RCOR1: variants seen among roughly 807,000 people sequenced by gnomAD.
RCOR1 encodes the protein REST corepressor.
RCOR1 carries 12 observed loss-of-function variants against 64.0 expected under a neutral mutation model. The observed-to-expected ratio is 0.19, with a 90% CI of 0.12 to 0.30. The LOEUF (loss-of-function observed/expected upper bound fraction) is 0.30. Ranked by LOEUF, RCOR1 falls within the 10% of genes least tolerant of loss-of-function variation. The pLI, the probability that RCOR1 is intolerant of heterozygous loss-of-function variation, is 1.00. For missense variants in RCOR1, 502 were observed against 621.2 expected, an observed-to-expected ratio of 0.81 and a Z score of 2.04; for synonymous variants, 279 against 227.2, an observed-to-expected ratio of 1.23 and a Z score of -2.05.
At chr14:102,678,212 G>A (rs1238448419) in intron 2 of RCOR1, among the ~76,000 whole-genome samples, 1 of 144,282 alleles carries the variant, frequency 6.9e-6, no homozygotes, top group African/African-American at 2.6e-5. Context: ...CGTGGAGAGA[G>A]AGGGAGACGA....
rs1894188094 is a variant in RCOR1, at chr14:102,634,360, G to A, written c.361+41035G>A. On this transcript the variant is annotated intron_variant, in intron 2 of 11. Coordinates refer to ENST00000262241, the MANE Select transcript of RCOR1 (RefSeq NM_015156.4). ...ACTGCACTCCATCCTGGGTGACAGA[G>A]CAAAACCCTGTCTCAAAAACCAACC... 2.0e-5 allele frequency among the ~76,000 whole-genome samples: 3 copies of A among 151,692 alleles called. No homozygotes were observed. In the South Asian group the frequency reaches 6.2e-4, roughly 31 times the overall value.
In RCOR1 at chr14:102,593,325, G is replaced by T; in HGVS notation, c.361G>T (p.Ala121Ser). Residue 121 changes from alanine to serine, a missense_variant and splice_region_variant, in exon 2 of 12, where the codon GCC (alanine) becomes TCC (serine). Transcript: ENST00000262241. ...GGCGGTGGTGCCCGACTTCGACCCC[G>T]GTGAGTAGCGGCCCCGGCCGGCCGG... ...YQAVVPDFDP[A>S]KLARRSQERD... The T allele has an allele frequency of 3.2e-6, 5 of 1,542,132 alleles. No homozygotes were observed. Among genetic ancestry groups the T allele is most frequent in the Non-Finnish European group, 4.3e-6 (5 of 1,151,844 alleles).
intron 4 of RCOR1, among the ~76,000 whole-genome samples, chr14:102,706,142 A>AAAAAAAAC (rs1281591870): frequency 1.4e-5 from 2 of 138,534 alleles, no homozygotes; most frequent in Admixed American, 7.2e-5. Context: ...AAAAAAAAAA[A>AAAAAAAAC]CCTAAAAAAA....
chr14:102,689,605 GTGTT>G (rs747226429), intron 3 of RCOR1, among the ~76,000 whole-genome samples: 27 of 152,132 alleles, frequency 1.8e-4, no homozygotes, highest in Admixed American at 3.9e-4. Context: ...TATATAGTAA[GTGTT>G]TGTGCAGTTA....
intron 4 of RCOR1, among the ~76,000 whole-genome samples, chr14:102,702,583 A>G (rs1895774566): frequency 6.6e-6 from 1 of 152,144 alleles, no homozygotes. Flanking sequence ...AAAGTGTGAT[A>G]CTTGAAGAGC....
chr14:102,615,976 A>G (rs978858371), intron 2 of RCOR1, among the ~76,000 whole-genome samples: 6 of 152,160 alleles, frequency 3.9e-5, no homozygotes, highest in South Asian at 2.1e-4. Context: ...GACACTGTCT[A>G]CACTACCCGC....
chr14:102,632,129 G>A (rs531387794), intron 2 of RCOR1, among the ~76,000 whole-genome samples: 16 of 151,840 alleles, frequency 1.1e-4, no homozygotes, highest in African/African-American at 3.9e-4. Flanking sequence ...TTTTCTTGGT[G>A]GGCACTGAAT....
intron 2 of RCOR1, chr14:102,659,007 A>G (rs1161253921): frequency 2.2e-5 from 12 of 547,728 alleles, no homozygotes; most frequent in East Asian, 1.5e-4. Flanking sequence ...TCCAACCTAC[A>G]CTCAAGTCGG....
intron 2 of RCOR1, among the ~76,000 whole-genome samples, chr14:102,643,774 A>T (rs1894421547): frequency 6.6e-6 from 1 of 152,164 alleles, no homozygotes; most frequent in Non-Finnish European, 1.5e-5. Context: ...ACGGGTGGAA[A>T]CTATCTGGAC....
chr14:102,629,035 A>G (rs1407999204), intron 2 of RCOR1, among the ~76,000 whole-genome samples: 9 of 152,080 alleles, frequency 5.9e-5, no homozygotes, highest in Non-Finnish European at 1.3e-4. Context: ...CTGGGACTAC[A>G]GGCGTGCGCC....
At chr14:102,598,695 G>A (rs980147011) in intron 2 of RCOR1, among the ~76,000 whole-genome samples, 4 of 151,870 alleles carry the variant, frequency 2.6e-5, no homozygotes, top group East Asian at 1.9e-4. Context: ...TGATCCGCCC[G>A]CCTCGGCCTC....
At chr14:102,686,745 C>T (rs976304465) in intron 3 of RCOR1, among the ~76,000 whole-genome samples, 3 of 152,196 alleles carry the variant, frequency 2.0e-5, no homozygotes, top group Non-Finnish European at 4.4e-5. Context: ...TGTCTCTTTT[C>T]ATGGCTGGAT....
chr14:102,697,774 G>C (rs1178468427), intron 3 of RCOR1, among the ~76,000 whole-genome samples: 2 of 148,956 alleles, frequency 1.3e-5, no homozygotes, highest in Non-Finnish European at 3.0e-5. Flanking sequence ...AGGTTGGAAT[G>C]CAGTGGCACG....
Position 102,623,532 on chromosome 14 carries a change from C to T in RCOR1, c.361+30207C>T, listed in dbSNP as rs929280625. 5.3e-5 allele frequency among the ~76,000 whole-genome samples: 8 copies of T among 151,752 alleles called. No individual in the cohort carries two copies. The South Asian group carries it at 1.7e-3, about 31-fold the overall frequency. On this transcript the variant is annotated intron_variant, in intron 2 of 11. Transcript: ENST00000262241. ...CACGCCATTCTCCTGCCTCAGCCTCCCGAGTAGCTGGGATTATAGGCGCCC... is the reference window on the plus strand; with the variant it reads ...CACGCCATTCTCCTGCCTCAGCCTCTCGAGTAGCTGGGATTATAGGCGCCC...
At chr14:102,701,188 C>G (rs1895750686) in intron 3 of RCOR1, 90 bp from the exon 4 acceptor site, 3 of 1,046,952 alleles carry the variant, frequency 2.9e-6, no homozygotes, top group Non-Finnish European at 4.5e-6. Flanking sequence ...TATCAGCAGG[C>G]CTGAAATATA....
chr14:102,677,035 A>G (rs1456507049), intron 2 of RCOR1, among the ~76,000 whole-genome samples: 2 of 74,044 alleles, frequency 2.7e-5, no homozygotes, highest in African/African-American at 1.2e-4. Flanking sequence ...CGGGGGGCTG[A>G]CCCCCCACCT....
chr14:102,681,481 A>T (rs1567434023), intron 2 of RCOR1, among the ~76,000 whole-genome samples: 1 of 151,980 alleles, frequency 6.6e-6, no homozygotes, highest in East Asian at 1.9e-4. Flanking sequence ...AAACTTTTTA[A>T]ATAGTTATTC....
At chr14:102,675,597 A>G (rs1191012946) in intron 2 of RCOR1, among the ~76,000 whole-genome samples, 1 of 152,176 alleles carries the variant, frequency 6.6e-6, no homozygotes, top group Non-Finnish European at 1.5e-5. Context: ...GCACAAATGG[A>G]TGATTCAGGT....
chr14:102,635,559 AATG>A (rs1894217778), intron 2 of RCOR1, among the ~76,000 whole-genome samples: 1 of 152,206 alleles, frequency 6.6e-6, no homozygotes, highest in Admixed American at 6.5e-5. Context: ...CATATACAGA[AATG>A]AGCTAAAAGT....
Sources: allele counts gnomAD v4.1 joint callset (sites outside exome capture counted in the v4.1 genomes callset), GRCh38; gene constraint gnomAD v4.1.1; transcripts MANE v1.5; gene names NCBI Gene and HGNC (gene_info 2026-07-23, HGNC 2026-07-21).